BNC2: variants seen among roughly 807,000 people sequenced by gnomAD.
BNC2 encodes zinc finger protein basonuclin-2.
Under a neutral mutation model 76.3 loss-of-function variants are expected in BNC2, and 20 were observed. That is an observed-to-expected ratio of 0.26 (90% CI 0.18 to 0.38). The LOEUF is 0.38. Among genes scored for constraint, BNC2 ranks in the 10% least tolerant of loss-of-function variants. The pLI is 1.00. For synonymous variants in BNC2, 582 were observed against 514.8 expected (o/e 1.13, Z -1.77); for missense variants, 1,382 against 1,399.8 (o/e 0.99, Z 0.20).
intron 2 of BNC2, chr9:16,728,335 A>C: frequency 2.5e-6 from 1 of 401,648 alleles, no homozygotes; most frequent in Non-Finnish European, 4.7e-6. Context: ...CAGGCACCAA[A>C]TGACACCCTG....
intron 3 of BNC2, among the ~76,000 whole-genome samples, chr9:16,618,475 A>G (rs942970177): frequency 6.6e-6 from 1 of 152,156 alleles, no homozygotes; most frequent in African/African-American, 2.4e-5. Context: ...CACAACATCA[A>G]ACATCATGTT....
chr9:16,716,782 T>C (rs1172459539), intron 3 of BNC2, among the ~76,000 whole-genome samples: 1 of 152,210 alleles, frequency 6.6e-6, no homozygotes, highest in Non-Finnish European at 1.5e-5. Context: ...ACCACATGCT[T>C]GAAAGATTAG....
intron 5 of BNC2, among the ~76,000 whole-genome samples, chr9:16,490,451 A>AT (rs749027023): frequency 4.1e-4 from 62 of 152,138 alleles, no homozygotes; most frequent in Admixed American, 2.0e-4. Flanking sequence ...TCAAGTTGAG[A>AT]TTTAGGTGGG....
intron 1 of BNC2, among the ~76,000 whole-genome samples, chr9:16,763,607 T>C (rs757625605): frequency 3.9e-5 from 6 of 152,062 alleles, no homozygotes; most frequent in Non-Finnish European, 7.4e-5. Context: ...CTTCAGATGA[T>C]AGTGATTTTA....
chr9:16,611,265 G>GCATC (rs1820537787), intron 3 of BNC2, among the ~76,000 whole-genome samples: 1 of 152,142 alleles, frequency 6.6e-6, no homozygotes, highest in East Asian at 1.9e-4. Context: ...AGTCACCAAA[G>GCATC]CATCCATCCA....
chr9:16,497,839 A>G (rs1822422547), intron 5 of BNC2, among the ~76,000 whole-genome samples: 1 of 152,052 alleles, frequency 6.6e-6, no homozygotes, highest in Admixed American at 6.6e-5. Context: ...CATATCTGTG[A>G]ACAGATAAAG....
At chr9:16,542,444 G>T (rs904308526) in intron 5 of BNC2, among the ~76,000 whole-genome samples, 2 of 152,178 alleles carry the variant, frequency 1.3e-5, no homozygotes, top group African/African-American at 2.4e-5. Flanking sequence ...AGATCACTCA[G>T]TTGCCACCAA....
intron 3 of BNC2, among the ~76,000 whole-genome samples, chr9:16,636,309 C>CTTT (rs112608609): frequency 6.7e-6 from 1 of 148,268 alleles, no homozygotes; most frequent in East Asian, 2.0e-4. Flanking sequence ...TGAAGACTTT[C>CTTT]TTTTTTTTTT....
intron 1 of BNC2, among the ~76,000 whole-genome samples, chr9:16,862,980 T>C (rs1193065661): frequency 6.6e-6 from 1 of 151,474 alleles, no homozygotes; most frequent in African/African-American, 2.4e-5. Context: ...AGTGGCGAGA[T>C]CTTGGCTCAC....
chr9:16,747,051 T>A (rs975670542), intron 1 of BNC2, among the ~76,000 whole-genome samples: 1 of 152,114 alleles, frequency 6.6e-6, no homozygotes, highest in Non-Finnish European at 1.5e-5. Context: ...TTCCCATTTT[T>A]AAAATATACA....
intron 3 of BNC2, among the ~76,000 whole-genome samples, chr9:16,628,347 A>C (rs983584885): frequency 8.5e-5 from 13 of 152,274 alleles, no homozygotes; most frequent in African/African-American, 2.6e-4. Context: ...AAAGTTTCAG[A>C]AATTACAGTG....
At chr9:16,831,295 A>G (rs563574425) in intron 1 of BNC2, among the ~76,000 whole-genome samples, 2 of 152,370 alleles carry the variant, frequency 1.3e-5, no homozygotes, top group Admixed American at 6.5e-5. Context: ...ACATTTGCAC[A>G]ATGAAGTGCC....
chr9:16,515,673 T>C (rs925029460), intron 5 of BNC2, among the ~76,000 whole-genome samples: 2 of 150,806 alleles, frequency 1.3e-5, no homozygotes, highest in Non-Finnish European at 2.9e-5. Context: ...TTCTCTTTGA[T>C]GTCTCTGCAG....
At chr9:16,442,025 C>G (rs1054930308) in intron 5 of BNC2, among the ~76,000 whole-genome samples, 7 of 152,246 alleles carry the variant, frequency 4.6e-5, no homozygotes, top group African/African-American at 1.7e-4. Context: ...GAACTCTTGG[C>G]CCTCCCTGCA....
chr9:16,856,304 A>AC (rs1259647856), intron 1 of BNC2, among the ~76,000 whole-genome samples: 16 of 132,074 alleles, frequency 1.2e-4, no homozygotes, highest in Non-Finnish European at 2.4e-4. Flanking sequence ...CACACACACA[A>AC]ATTCCAGCAT....
At chr9:16,741,916 C>CCACTG (rs1190731946) in intron 1 of BNC2, among the ~76,000 whole-genome samples, 4 of 137,608 alleles carry the variant, frequency 2.9e-5, no homozygotes, top group African/African-American at 1.1e-4. Context: ...TGAGATCACG[C>CCACTG]CACTGCACTG....
intron 1 of BNC2, among the ~76,000 whole-genome samples, chr9:16,841,235 C>A (rs1168029836): frequency 6.6e-6 from 1 of 152,152 alleles, no homozygotes; most frequent in African/African-American, 2.4e-5. Flanking sequence ...TTATTGAATT[C>A]TCATTCCAAC....
chr9:16,809,142 G>C (rs1260880244), intron 1 of BNC2, among the ~76,000 whole-genome samples: 1 of 152,140 alleles, frequency 6.6e-6, no homozygotes, highest in Non-Finnish European at 1.5e-5. Context: ...AATGGCCTGG[G>C]TCTAAGTGCC....
chr9:16,817,374 T>C (rs932543003), intron 1 of BNC2, among the ~76,000 whole-genome samples: 9 of 152,200 alleles, frequency 5.9e-5, no homozygotes, highest in Admixed American at 4.6e-4. Context: ...ATGATGATGA[T>C]CATGATGGCA....
Sources: gnomAD v4.1 joint callset for allele counts (sites outside exome capture counted in the v4.1 genomes callset) on GRCh38, gnomAD v4.1.1 for gene constraint, MANE v1.5 for transcripts, NCBI Gene and HGNC (gene_info 2026-07-23, HGNC 2026-07-21) for gene names.